Variants in CPQ observed in about 807,000 individuals in gnomAD.
CPQ encodes the protein Ser-Met dipeptidase.
Under a neutral mutation model 45.7 loss-of-function variants are expected in CPQ, and 37 were observed. The ratio of observed to expected loss-of-function variants is 0.81; its 90% confidence interval spans 0.62 to 1.07. CPQ has a LOEUF of 1.07. Ranked by LOEUF, CPQ falls within the 50% of genes least tolerant of loss-of-function variation. The pLI is 0.00. For synonymous variants in CPQ, 186 were observed against 205.8 expected (o/e 0.90, Z 0.82); for missense variants, 537 against 572.9 (o/e 0.94, Z 0.64).
intron 3 of CPQ, among the ~76,000 whole-genome samples, chr8:96,859,561 C>T (rs1811901005): frequency 6.6e-6 from 1 of 152,292 alleles, no homozygotes; most frequent in South Asian, 2.1e-4. Context: ...GTCCTCAGAT[C>T]ACCTCTGAAA....
chr8:96,871,163 TATCTC>T (rs780823615), intron 3 of CPQ, among the ~76,000 whole-genome samples: 5 of 152,110 alleles, frequency 3.3e-5, no homozygotes, highest in East Asian at 1.9e-4. Context: ...GTGAGACAAA[TATCTC>T]ATATACAACT....
intron 2 of CPQ, among the ~76,000 whole-genome samples, chr8:96,788,356 C>T (rs1007937609): frequency 1.3e-5 from 2 of 151,950 alleles, no homozygotes; most frequent in East Asian, 1.9e-4. Context: ...GATGCAGTTT[C>T]ACCATTTTGG....
At chr8:96,762,730 A>T (rs1375304227) in intron 1 of CPQ, among the ~76,000 whole-genome samples, 1 of 152,124 alleles carries the variant, frequency 6.6e-6, no homozygotes, top group African/African-American at 2.4e-5. Flanking sequence ...TCAATTTATT[A>T]ATTTTTCCCT....
At chr8:96,712,552 C>T (rs558189507) in intron 1 of CPQ, among the ~76,000 whole-genome samples, 1 of 152,254 alleles carries the variant, frequency 6.6e-6, no homozygotes, top group South Asian at 2.1e-4. Context: ...GCAGGCCCAA[C>T]ACCACATGTA....
intron 6 of CPQ, among the ~76,000 whole-genome samples, chr8:97,036,731 A>G (rs1222897632): frequency 6.6e-6 from 1 of 152,234 alleles, no homozygotes; most frequent in East Asian, 1.9e-4. Context: ...CATTTTAAGG[A>G]AAAATATGAT....
rs114598852 is a variant in CPQ at position 96,736,488 on chromosome 8, G to C, written c.-34-48376G>C. Among the ~76,000 whole-genome samples the C allele has an allele frequency of 2.9e-3, 435 of 152,278 alleles. 3 individuals are homozygous for C. Among genetic ancestry groups the C allele is most frequent in the African/African-American group, 9.9e-3 (410 of 41,556 alleles). On this transcript the variant is annotated intron_variant, in intron 1 of 7. Transcript: ENST00000220763. ...AGTTTTGCCGTATCATATTGCATAA[G>C]TCATAGGGTCACTTTTATGACAACC...
chr8:96,703,194 T>G (rs1364576065), intron 1 of CPQ, among the ~76,000 whole-genome samples: 1 of 152,214 alleles, frequency 6.6e-6, no homozygotes, highest in Non-Finnish European at 1.5e-5. Flanking sequence ...GTGACAACTT[T>G]ATAGAACATA....
intron 5 of CPQ, among the ~76,000 whole-genome samples, chr8:96,967,900 T>A (rs1813596964): frequency 6.6e-6 from 1 of 152,172 alleles, no homozygotes; most frequent in African/African-American, 2.4e-5. Flanking sequence ...TAATAATAGT[T>A]CCTATCTCAT....
intron 2 of CPQ, among the ~76,000 whole-genome samples, chr8:96,797,229 A>G (rs1810943257): frequency 6.6e-6 from 1 of 152,158 alleles, no homozygotes; most frequent in African/African-American, 2.4e-5. Context: ...TGACACTTAA[A>G]TTACTTCTAG....
intron 6 of CPQ, among the ~76,000 whole-genome samples, chr8:97,047,788 T>C (rs562230814): frequency 8.5e-5 from 13 of 152,310 alleles, no homozygotes; most frequent in South Asian, 2.1e-4. Context: ...CTGTTTCTAA[T>C]AATAATAAAT....
intron 1 of CPQ, among the ~76,000 whole-genome samples, chr8:96,744,162 G>A (rs549369703): frequency 5.9e-5 from 9 of 152,378 alleles, no homozygotes; most frequent in Middle Eastern, 3.4e-3. Flanking sequence ...AGCCAGGTGC[G>A]GGATATAATC....
chr8:96,730,781 A>G (rs1331489975), intron 1 of CPQ, among the ~76,000 whole-genome samples: 5 of 149,894 alleles, frequency 3.3e-5, no homozygotes, highest in African/African-American at 9.8e-5. Flanking sequence ...GGCCAGGGCA[A>G]CGGGCTTTTT....
chr8:96,974,557 A>G (rs138800046), intron 5 of CPQ, among the ~76,000 whole-genome samples: 1 of 152,306 alleles, frequency 6.6e-6, no homozygotes, highest in East Asian at 1.9e-4. Context: ...CAGCAACTGC[A>G]GAATATACAT....
intron 4 of CPQ, among the ~76,000 whole-genome samples, chr8:96,887,919 A>G (rs924597754): frequency 1.3e-4 from 20 of 152,130 alleles, no homozygotes; most frequent in African/African-American, 4.6e-4. Flanking sequence ...TGCCAGTATT[A>G]TTTTAAATAT....
At chr8:97,088,415 T>A (rs1000924907) in intron 7 of CPQ, among the ~76,000 whole-genome samples, 2 of 152,236 alleles carry the variant, frequency 1.3e-5, no homozygotes, top group African/African-American at 4.8e-5. Context: ...TTCTATATAC[T>A]ATATTCAAGT....
intron 3 of CPQ, among the ~76,000 whole-genome samples, chr8:96,854,559 A>AACAAAG: frequency 7.4e-6 from 1 of 134,744 alleles, no homozygotes; most frequent in African/African-American, 2.8e-5. Context: ...AAAAAAAAAA[A>AACAAAG]TGTGGTGGAA....
intron 1 of CPQ, among the ~76,000 whole-genome samples, chr8:96,727,468 T>G (rs1335103523): frequency 6.6e-6 from 1 of 152,182 alleles, no homozygotes; most frequent in Non-Finnish European, 1.5e-5. Flanking sequence ...ACTTCAGGTT[T>G]TATCTCATCT....
At chr8:96,777,325 A>G (rs1810617680) in intron 1 of CPQ, among the ~76,000 whole-genome samples, 1 of 152,050 alleles carries the variant, frequency 6.6e-6, no homozygotes, top group Non-Finnish European at 1.5e-5. Flanking sequence ...CTACTTTGTG[A>G]AGCTCCAACA....
chr8:96,738,225 A>G lies in CPQ; in HGVS notation c.-34-46639A>G, dbSNP rs189042458. ...ATGCATTGTTTCATAGACACACATT[A>G]AATTAACCTTGTGCTGTTCAAATTT... is the stretch of plus-strand genomic sequence containing the variant. On this transcript the variant is annotated intron_variant, in intron 1 of 7. Coordinates refer to ENST00000220763, the MANE Select transcript of CPQ (RefSeq NM_016134.4). Among the ~76,000 whole-genome samples the G allele has an allele frequency of 2.1e-3, 313 of 152,222 alleles. 1 individual carries two copies. The highest frequency in any genetic ancestry group is 3.7e-3 in the Non-Finnish European group (255 of 68,010).
Sources: gnomAD v4.1 joint callset for allele counts (sites outside exome capture counted in the v4.1 genomes callset) on GRCh38, gnomAD v4.1.1 for gene constraint, MANE v1.5 for transcripts, NCBI Gene and HGNC (gene_info 2026-07-23, HGNC 2026-07-21) for gene names.